ASCC1: variants seen among roughly 807,000 people sequenced by gnomAD.
The protein encoded by ASCC1 is activating signal cointegrator 1 complex subunit 1, also known as ASC-1 complex subunit P50.
ASCC1 carries 35 observed loss-of-function variants against 46.6 expected under a neutral mutation model. The ratio of observed to expected loss-of-function variants is 0.75; its 90% CI spans 0.57 to 0.99. The LOEUF (loss-of-function observed/expected upper bound fraction) is 0.99, where lower values mean the gene tolerates loss of function less well. ASCC1 is among the 50% of genes least tolerant of loss of function. ASCC1 has a pLI of 0.00. For missense variants in ASCC1, 376 were observed against 428.7 expected (o/e 0.88, Z 1.09); for synonymous variants, 143 against 146.6 (o/e 0.98, Z 0.18).
At chr10:72,159,968 A>C (rs1036234024) in intron 6 of ASCC1, among the ~76,000 whole-genome samples, 7 of 147,326 alleles carry the variant, frequency 4.8e-5, no homozygotes, top group African/African-American at 1.5e-4. Context: ...GCAGTGGCGC[A>C]ATCTCGGCTC....
chr10:72,096,124 CA>C lies in ASCC1; in HGVS notation c.*1209del, dbSNP rs767821772. On this transcript the variant is annotated 3_prime_UTR_variant, in exon 10 of 10. Coordinates refer to ENST00000672957, the MANE Select transcript of ASCC1 (RefSeq NM_001198800.3). ...GTCCTCACAATGTAGCAACTTAACA[CA>C]GAGTTCAGAAGTGCAGTTAAAGAAT... 1.6e-4 allele frequency: 71 copies of C among 453,916 alleles called. No individual in the cohort carries two copies. Among genetic ancestry groups the C allele is most frequent in the Non-Finnish European group, 2.9e-4 (65 of 226,796 alleles). 28.1% of individuals were successfully genotyped at this position (453,916 alleles called of 1,614,324 possible).
intron 9 of ASCC1, among the ~76,000 whole-genome samples, chr10:72,109,101 T>C (rs1842651323): frequency 6.6e-6 from 1 of 152,168 alleles, no homozygotes; most frequent in Admixed American, 6.5e-5. Context: ...AATAATATTA[T>C]AGTAGCTAAT....
chr10:72,164,015 T>C (rs1028311519), intron 5 of ASCC1, among the ~76,000 whole-genome samples: 3 of 152,082 alleles, frequency 2.0e-5, no homozygotes, highest in African/African-American at 7.2e-5. Context: ...CAGGCTAGAG[T>C]GCAATGATGC....
At chr10:72,210,306 C>G (rs1446879977) in intron 3 of ASCC1, among the ~76,000 whole-genome samples, 3 of 152,016 alleles carry the variant, frequency 2.0e-5, no homozygotes, top group East Asian at 1.9e-4. Flanking sequence ...ATTACAGATG[C>G]CTGCCACCAC....
At chr10:72,107,042 G>A (rs1026612777) in intron 9 of ASCC1, among the ~76,000 whole-genome samples, 3 of 152,070 alleles carry the variant, frequency 2.0e-5, no homozygotes, top group African/African-American at 7.2e-5. Context: ...CACAGCCCTT[G>A]GAAGATCCCA....
intron 4 of ASCC1, among the ~76,000 whole-genome samples, chr10:72,202,132 G>C (rs771879639): frequency 6.6e-6 from 1 of 151,804 alleles, no homozygotes; most frequent in Admixed American, 6.6e-5. Flanking sequence ...AAAGAAAATG[G>C]GTTAATGAAT....
At position 72,109,385 on chromosome 10, in the gene ASCC1, G is replaced by A. The variant is rs371005971; in HGVS notation, c.958-11935C>T. On this transcript the variant is annotated intron_variant, in intron 9 of 9. Transcript: ENST00000672957. The stretch of plus-strand genomic sequence containing the variant: ...AGTCCCCTCTCCACTGACTGAGATG[G>A]CATTCCTTGCACAGAATGGGAACAG... 3.3e-5 allele frequency among the ~76,000 whole-genome samples: 5 copies of A among 152,164 alleles called. No homozygotes were observed. The East Asian group carries it at 5.8e-4, about 18-fold the overall frequency.
rs575692136 is a variant in ASCC1, at chr10:72,102,875, T to G, written c.958-5425A>C. ...CTGTAATCCCAGCTACTTGGGAGGC[T>G]GAGGCAGGAGAATCACTTGAACCCG... On this transcript the variant is annotated intron_variant, in intron 9 of 9. Transcript: ENST00000672957. 1.1e-3 allele frequency: 412 copies of G among 389,926 alleles called. 5 individuals carry two copies. Among genetic ancestry groups the G allele is most frequent in the African/African-American group, 8.1e-3 (378 of 46,904 alleles). The allele number at this position is 389,926 out of a possible 1,614,324, so 24.2% of individuals were successfully genotyped here.
At position 72,161,429 on chromosome 10, in the gene ASCC1, A is replaced by G. The variant is rs555543972; in HGVS notation, c.626+109T>C. 2.8e-6 allele frequency: 4 copies of G among 1,422,206 alleles called. No individual in the cohort carries two copies. The South Asian group carries it at 4.6e-5, about 16-fold the overall frequency. The allele number at this position is 1,422,206 out of a possible 1,614,324, so 88.1% of individuals were successfully genotyped here. On this transcript the variant is annotated intron_variant, in intron 6 of 9. Transcript: ENST00000672957. The stretch of plus-strand genomic sequence containing the variant: ...GCCTGAGTGGGCTCCATCAAATCAC[A>G]TGAGTCCTTCCCATGTTATACACCC...
At chr10:72,155,547 T>C (rs945256239) in intron 6 of ASCC1, among the ~76,000 whole-genome samples, 5 of 152,210 alleles carry the variant, frequency 3.3e-5, no homozygotes, top group Non-Finnish European at 7.3e-5. Context: ...ATTTTTAGTG[T>C]AAGTAAATTA....
In ASCC1 at chr10:72,203,457, T is replaced by C. The variant is rs751301889; in HGVS notation, c.280A>G (p.Ile94Val). The C allele has an allele frequency of 6.8e-6, 11 of 1,613,718 alleles. No homozygotes were observed. The highest frequency in any genetic ancestry group is 1.1e-5 in the South Asian group (1 of 91,078). ...IEMETKTSIS[I>V]PKPGQDGEIV... Reference sequence around the variant, plus strand: ...TCCCCGTCTTGTCCAGGTTTAGGAATGCTAATAGAAGTTTTGGTCTCCATT... The same window carrying C: ...TCCCCGTCTTGTCCAGGTTTAGGAACGCTAATAGAAGTTTTGGTCTCCATT... The change falls in exon 4 of 10, where the codon ATT becomes GTT. Residue 94 changes from isoleucine (I) to valine (V), a missense_variant. Transcript: ENST00000672957.
At chr10:72,192,145 C>T (rs1312261414) in intron 5 of ASCC1, among the ~76,000 whole-genome samples, 1 of 151,796 alleles carries the variant, frequency 6.6e-6, no homozygotes, top group Admixed American at 6.6e-5. Context: ...ATAAAGAACC[C>T]TAAAAACTCA....
upstream of ASCC1, chr10:72,216,826 A>AG: frequency 2.2e-6 from 1 of 456,226 alleles, no homozygotes; most frequent in Non-Finnish European, 4.4e-6. Flanking sequence ...CTTACCTGAC[A>AG]GGGCCAAGTC....
chr10:72,128,295 G>A, intron 8 of ASCC1, 128 bp from the exon 9 acceptor site: 1 of 759,324 alleles, frequency 1.3e-6, no homozygotes. Flanking sequence ...ATAATGAAGA[G>A]GAAAAATGTC....
intron 5 of ASCC1, among the ~76,000 whole-genome samples, chr10:72,180,382 T>C (rs1010149965): frequency 2.6e-5 from 4 of 152,020 alleles, no homozygotes; most frequent in African/African-American, 9.7e-5. Context: ...TCCCAGCACT[T>C]TGGTAGGCCT....
Position 72,197,185 on chromosome 10 carries a change from T to A in ASCC1, c.311-196A>T, listed in dbSNP as rs149493382. Among the ~76,000 whole-genome samples, 606 of 152,066 alleles carry A rather than the reference T, an allele frequency of 4.0e-3. 3 individuals are homozygous for A. Among genetic ancestry groups the A allele is most frequent in the African/African-American group, 0.013 (552 of 41,484 alleles). On this transcript the variant is annotated intron_variant, in intron 4 of 9. Coordinates refer to ENST00000672957, the MANE Select transcript of ASCC1 (RefSeq NM_001198800.3). ...CAGAATGAGGCTTAAAAATAGAATATCCTTGGCCGGGCACGGTGGCTCATT... is the reference window on the plus strand; with the variant it reads ...CAGAATGAGGCTTAAAAATAGAATAACCTTGGCCGGGCACGGTGGCTCATT...
chr10:72,102,428 G>C lies in ASCC1; in HGVS notation c.958-4978C>G, dbSNP rs1841881424. 20 of 1,543,804 alleles carry C rather than the reference G, an allele frequency of 1.3e-5. No homozygotes were observed. The highest frequency in any genetic ancestry group is 1.7e-4 in the Middle Eastern group (1 of 5,978). ...TCAGAGACACCTGTAGCACAGTTAA[G>C]TGGAAACAGATCACTATAAAAGGCT... On this transcript the variant is annotated intron_variant, in intron 9 of 9. Coordinates refer to ENST00000672957, the MANE Select transcript of ASCC1 (RefSeq NM_001198800.3).
At chr10:72,103,115 G>A (rs532977737) in intron 9 of ASCC1, 13 of 305,672 alleles carry the variant, frequency 4.3e-5, no homozygotes, top group Middle Eastern at 5.1e-4. Flanking sequence ...ACAACCCCAC[G>A]AAATAGATAC....
chr10:72,122,278 GT>G (rs1844297431), intron 9 of ASCC1, among the ~76,000 whole-genome samples: 1 of 152,078 alleles, frequency 6.6e-6, no homozygotes, highest in South Asian at 2.1e-4. Flanking sequence ...AAGTAGCTGG[GT>G]GTGGTGGCAC....
Sources: allele counts gnomAD v4.1 joint callset (sites outside exome capture counted in the v4.1 genomes callset), GRCh38; gene constraint gnomAD v4.1.1; transcripts MANE v1.5; gene names NCBI Gene and HGNC (gene_info 2026-07-23, HGNC 2026-07-21).